SCFD1: variants seen among roughly 807,000 people sequenced by gnomAD.
The protein encoded by SCFD1 is sec1 family domain containing 1, also known as sec1 family domain-containing protein 1.
In SCFD1, 37 loss-of-function variants were observed where a neutral mutation model predicts 103.2. That is an observed-to-expected ratio of 0.36 (90% CI 0.28 to 0.47). The LOEUF is 0.47. Among genes scored for constraint, SCFD1 ranks in the 20% least tolerant of loss-of-function variants. The pLI is 1.00. For missense variants in SCFD1, 639 were observed against 761.2 expected, an observed-to-expected ratio of 0.84 and a Z score of 1.89; for synonymous variants, 264 against 245.0, an observed-to-expected ratio of 1.08 and a Z score of -0.73.
chr14:30,697,840 CAGA>C (rs955532386), intron 15 of SCFD1, among the ~76,000 whole-genome samples: 1 of 152,182 alleles, frequency 6.6e-6, no homozygotes, highest in African/African-American at 2.4e-5. Flanking sequence ...CTGTTTCATA[CAGA>C]AGAAGACTAA....
intron 23 of SCFD1, among the ~76,000 whole-genome samples, chr14:30,730,319 AC>A (rs527449165): frequency 0.036 from 5,476 of 152,250 alleles, 152 homozygotes; most frequent in African/African-American, 0.061. Context: ...CAATAAACAT[AC>A]CTGTGCATGT....
At chr14:30,634,182 A>G (rs1339953829) in intron 4 of SCFD1, 145 bp downstream of exon 4, 1 of 578,734 alleles carries the variant, frequency 1.7e-6, no homozygotes, top group South Asian at 2.2e-5. Flanking sequence ...TTTGAATTCC[A>G]AATAGCCTGA....
chr14:30,643,452 AC>A, intron 7 of SCFD1, 47 bp downstream of exon 7: 3 of 1,297,882 alleles, frequency 2.3e-6, no homozygotes, highest in Non-Finnish European at 3.4e-6. Flanking sequence ...AAATTATTTA[AC>A]AAGTAATTTT....
chr14:30,719,532 C>A (rs1892508562), intron 21 of SCFD1, among the ~76,000 whole-genome samples, 155 bp downstream of exon 21: 1 of 152,144 alleles, frequency 6.6e-6, no homozygotes, highest in Non-Finnish European at 1.5e-5. Flanking sequence ...AGAGATATCT[C>A]TAGTAATGAT....
In SCFD1 at chr14:30,673,992, T is replaced by C. The variant is rs753051227; in HGVS notation, c.1155T>C (p.Ala385=). ...ACAATACCGCTAAGCTAACATCAGC[T>C]GTTAGGTAAGTGAGCAGTATATCCT... ...LSDNTAKLTS[A]VSSLPELLEK... The change falls in exon 13 of 25, where the codon GCT becomes GCC. Residue 385 remains alanine (A), a synonymous_variant. Coordinates refer to ENST00000458591, the MANE Select transcript of SCFD1 (RefSeq NM_016106.4). 1 of 1,612,330 alleles carries C rather than the reference T, an allele frequency of 6.2e-7. No homozygotes were observed. The highest frequency in any genetic ancestry group is 1.1e-5 in the South Asian group (1 of 91,030).
chr14:30,714,725 A>T (rs943481442), intron 19 of SCFD1, among the ~76,000 whole-genome samples: 2 of 152,224 alleles, frequency 1.3e-5, no homozygotes, highest in Non-Finnish European at 2.9e-5. Flanking sequence ...CTGATCTATA[A>T]ACAATCAGAT....
At chr14:30,658,633 TC>T (rs1451552061) in intron 10 of SCFD1, among the ~76,000 whole-genome samples, 5 of 152,168 alleles carry the variant, frequency 3.3e-5, no homozygotes, top group Non-Finnish European at 1.5e-5. Flanking sequence ...CCTCAGGTGA[TC>T]CACCTGCCTC....
At chr14:30,650,424 G>C in intron 8 of SCFD1, 141 bp from the exon 9 acceptor site, 1 of 633,116 alleles carries the variant, frequency 1.6e-6, no homozygotes, top group Non-Finnish European at 2.8e-6. Context: ...GTAAGACGGA[G>C]CTAAAATATT....
chr14:30,692,766 A>T (rs1448776386), intron 14 of SCFD1, among the ~76,000 whole-genome samples: 2 of 152,172 alleles, frequency 1.3e-5, no homozygotes, highest in Non-Finnish European at 2.9e-5. Flanking sequence ...TTCCCCTTCC[A>T]TTCCTGACTT....
intron 2 of SCFD1, among the ~76,000 whole-genome samples, chr14:30,629,578 T>G (rs1317992546): frequency 3.1e-5 from 3 of 95,446 alleles, no homozygotes; most frequent in African/African-American, 1.3e-4. Flanking sequence ...AGGGACTTAA[T>G]TTTTTTTTTT....
At chr14:30,726,855 G>T (rs1893078571) in intron 23 of SCFD1, among the ~76,000 whole-genome samples, 1 of 152,112 alleles carries the variant, frequency 6.6e-6, no homozygotes, top group Admixed American at 6.6e-5. Flanking sequence ...GGCAAATCGG[G>T]CTTACCATAG....
At chr14:30,623,599 A>G (rs1174611210) in intron 1 of SCFD1, among the ~76,000 whole-genome samples, 1 of 152,244 alleles carries the variant, frequency 6.6e-6, no homozygotes, top group East Asian at 1.9e-4. Flanking sequence ...TGATGACTAT[A>G]CTACATATTA....
intron 7 of SCFD1, among the ~76,000 whole-genome samples, chr14:30,645,528 T>C (rs1885730638): frequency 1.3e-5 from 2 of 152,178 alleles, no homozygotes; most frequent in South Asian, 4.1e-4. Flanking sequence ...ATTCTTGTTG[T>C]AGAGCTCTCT....
chr14:30,681,508 G>A (rs1433094788), intron 14 of SCFD1, among the ~76,000 whole-genome samples: 2 of 151,538 alleles, frequency 1.3e-5, no homozygotes, highest in Admixed American at 6.6e-5. Context: ...ATTAAATATT[G>A]TGTTCATATT....
At chr14:30,623,814 T>A (rs1449378176) in intron 1 of SCFD1, among the ~76,000 whole-genome samples, 1 of 152,220 alleles carries the variant, frequency 6.6e-6, no homozygotes, top group African/African-American at 2.4e-5. Flanking sequence ...GTCATTGAAT[T>A]CTGCCTTATT....
chr14:30,645,377 C>T (rs1885713962), intron 7 of SCFD1, among the ~76,000 whole-genome samples: 1 of 152,130 alleles, frequency 6.6e-6, no homozygotes, highest in East Asian at 1.9e-4. Context: ...TGAAAACTGG[C>T]ATTGGTAGTT....
chr14:30,683,605 G>A (rs550816477), intron 14 of SCFD1: 26 of 272,116 alleles, frequency 9.6e-5, no homozygotes, highest in Middle Eastern at 1.5e-3. Flanking sequence ...CCATCCAGGC[G>A]GTGCTGGCAG....
At chr14:30,730,319 A>T (rs955159370) in intron 23 of SCFD1, among the ~76,000 whole-genome samples, 1 of 152,142 alleles carries the variant, frequency 6.6e-6, no homozygotes, top group African/African-American at 2.4e-5. Flanking sequence ...CAATAAACAT[A>T]CCTGTGCATG....
chr14:30,732,308 C>T (rs1893531982), intron 23 of SCFD1, among the ~76,000 whole-genome samples: 1 of 152,186 alleles, frequency 6.6e-6, no homozygotes, highest in Admixed American at 6.5e-5. Context: ...TGGCTAGAAC[C>T]TTCAGTACAT....
Sources: allele counts gnomAD v4.1 joint callset (sites outside exome capture counted in the v4.1 genomes callset), GRCh38; gene constraint gnomAD v4.1.1; transcripts MANE v1.5; gene names NCBI Gene and HGNC (gene_info 2026-07-23, HGNC 2026-07-21).